INKA2: variants seen among roughly 807,000 people sequenced by gnomAD.
INKA2 encodes the protein PAK4-inhibitor INKA2.
Under a neutral mutation model 9.8 loss-of-function variants are expected in INKA2, and 3 were observed. The ratio of observed to expected loss-of-function variants is 0.31; its 90% CI spans 0.14 to 0.79. INKA2 has a LOEUF of 0.79. INKA2 is among the 30% of genes least tolerant of loss of function. The pLI, the probability that INKA2 is intolerant of heterozygous loss-of-function variation, is 0.62. For synonymous variants in INKA2, 147 were observed against 143.3 expected (o/e 1.03, Z -0.18); for missense variants, 392 against 384.4 (o/e 1.02, Z -0.17).
intron 1 of INKA2, among the ~76,000 whole-genome samples, chr1:111,737,611 C>T (rs749090108): frequency 1.8e-4 from 27 of 152,068 alleles, no homozygotes; most frequent in Middle Eastern, 6.3e-3. Flanking sequence ...GAATTGTGTA[C>T]GTGTGGGCTG....
exon 1 of INKA2, chr1:111,755,715 TTCCTC>T (rs778448245): frequency 1.7e-5 from 27 of 1,613,772 alleles, no homozygotes; most frequent in Non-Finnish European, 2.2e-5. Context: ...TGCCTCATCT[TTCCTC>T]TCCTCCCTCT....
rs140925986 is a variant in INKA2, at chr1:111,726,711, G to GCACA, written c.*253_*256dup. Reference sequence around the variant, plus strand: ...ATGCATGCCAGACAGACACACACATGCACACACACACACACACACGCACAG... The same window carrying GCACA: ...ATGCATGCCAGACAGACACACACATGCACACACACACACACACACACACGCACAG... On this transcript the variant is annotated 3_prime_UTR_variant, in exon 2 of 2. Transcript: ENST00000357260. 1,069 of 470,714 alleles carry GCACA rather than the reference G, an allele frequency of 2.3e-3. 1 individual carries two copies. Among genetic ancestry groups the GCACA allele is most frequent in the African/African-American group, 6.7e-3 (337 of 49,946 alleles). The allele number at this position is 470,714 out of a possible 1,614,324, so 29.2% of individuals were successfully genotyped here. A position where few individuals can be genotyped will look rare whatever the true frequency, so the allele number is the denominator to read the frequency against.
intron 1 of INKA2, among the ~76,000 whole-genome samples, chr1:111,748,488 C>A (rs920402628): frequency 1.3e-5 from 2 of 152,194 alleles, no homozygotes; most frequent in Non-Finnish European, 2.9e-5. Flanking sequence ...TTTGCCAGGC[C>A]TACTGGGAGG....
chr1:111,747,675 A>G (rs1663304487), intron 1 of INKA2: 1 of 152,256 alleles, frequency 6.6e-6, no homozygotes, highest in African/African-American at 2.4e-5. Context: ...TGTGCACCAC[A>G]TTACAAGCAT....
chr1:111,755,593 C>T (rs878880658), intron 1 of INKA2: 2 of 1,317,638 alleles, frequency 1.5e-6, no homozygotes, highest in African/African-American at 1.5e-5. Flanking sequence ...AGGGCGGTGG[C>T]GCCGGGGGCA....
At chr1:111,732,489 C>A (rs1662929245) in intron 1 of INKA2, among the ~76,000 whole-genome samples, 1 of 151,944 alleles carries the variant, frequency 6.6e-6, no homozygotes, top group Non-Finnish European at 1.5e-5. Context: ...TGAGAGAATT[C>A]ACAAGAAGGT....
intron 1 of INKA2, chr1:111,755,096 T>C (rs1219666065): frequency 4.5e-5 from 6 of 134,514 alleles, no homozygotes; most frequent in African/African-American, 1.7e-4. Flanking sequence ...CATGTAACAT[T>C]TGAGAGTCTA....
chr1:111,742,544 A>C (rs1446457459), upstream of INKA2, among the ~76,000 whole-genome samples: 1 of 152,270 alleles, frequency 6.6e-6, no homozygotes, highest in Non-Finnish European at 1.5e-5. Flanking sequence ...AAATCGCGCC[A>C]CTGCACTGTA....
chr1:111,746,325 C>T (rs542690727), intron 1 of INKA2: 3 of 152,320 alleles, frequency 2.0e-5, no homozygotes, highest in African/African-American at 7.2e-5. Context: ...ATGCTGCCGC[C>T]GCTTAACAAG....
Position 111,723,776 on chromosome 1 carries a change from T to C in INKA2, c.*3192A>G, listed in dbSNP as rs1299452732. ...ACCTCTTCCCTCCACTTCAGTAAAA[T>C]ACAGCCTCTGTCATTGCCATGGCAG... On this transcript the variant is annotated 3_prime_UTR_variant, in exon 2 of 2. Transcript: ENST00000357260. The C allele has an allele frequency of 1.3e-5, 2 of 152,412 alleles. No individual in the cohort carries two copies. Among genetic ancestry groups the C allele is most frequent in the African/African-American group, 2.4e-5 (1 of 41,440 alleles). The allele number at this position is 152,412 out of a possible 1,614,324, so 9.4% of individuals were successfully genotyped here.
intron 1 of INKA2, among the ~76,000 whole-genome samples, chr1:111,753,441 T>C (rs1382262342): frequency 1.3e-5 from 2 of 152,364 alleles, no homozygotes; most frequent in South Asian, 4.1e-4. Flanking sequence ...TTATAACTTT[T>C]GACTAGTGAG....
rs763243478 is a variant in INKA2 at position 111,727,053 on chromosome 1, C to A, written c.809G>T (p.Arg270Leu). 6.2e-7 allele frequency: 1 copy of A among 1,613,936 alleles called. No individual in the cohort carries two copies. Among genetic ancestry groups the A allele is most frequent in the African/African-American group, 1.3e-5 (1 of 74,932 alleles). The part of the protein sequence containing the change: ...FPFPGTGEHR[R>L]GENPPTSCPK... ...GCAGCTTGTGGGGGGATTCTCCCCT[C>A]GCCTGTGCTCCCCGGTGCCTGGGAA... The change falls in exon 2 of 2, where the codon CGA becomes CTA. Residue 270 changes from arginine to leucine, a missense_variant. Physicochemically the swap from Arg to Leu is moderately radical, Grantham distance 102. Coordinates refer to ENST00000357260, the MANE Select transcript of INKA2 (RefSeq NM_019099.5).
Position 111,727,628 on chromosome 1 carries a change from A to T in INKA2, c.234T>A (p.Cys78Ter). ...TGGCAGGACCTCTGCCACCCTCCCA[A>T]CAAGGGTGCTCGCACTGGGTCCTGG... ...EGPRTQCEHP[C>*]WEGGRGPARP... Residue 78 changes from cysteine (C) to a stop codon, truncating the protein, a stop_gained, in exon 2 of 2, where the codon TGT (cysteine) becomes TGA (stop). Coordinates refer to ENST00000357260, the MANE Select transcript of INKA2 (RefSeq NM_019099.5). LOFTEE classifies it low-confidence loss of function (END_TRUNC). The T allele has an allele frequency of 6.2e-7, 1 of 1,608,776 alleles. No homozygotes were observed. Among genetic ancestry groups the T allele is most frequent in the African/African-American group, 1.3e-5 (1 of 74,990 alleles).
At chr1:111,753,369 A>G (rs1663450239) in intron 1 of INKA2, 1 of 152,200 alleles carries the variant, frequency 6.6e-6, no homozygotes, top group Admixed American at 6.5e-5. Flanking sequence ...TAGTTATTAA[A>G]TGATTTCTTG....
rs1663088863 is a variant in INKA2, at chr1:111,739,361, G to A, written c.-119C>T. The A allele has an allele frequency of 6.5e-7, 1 of 1,540,722 alleles. No homozygotes were observed. On this transcript the variant is annotated 5_prime_UTR_variant, in exon 1 of 2. Coordinates refer to ENST00000357260, the MANE Select transcript of INKA2 (RefSeq NM_019099.5). ...GCGCCCGTAGCGCTCGCAGCGCGGA[G>A]CTGAGCCTGCGCTCCGAGCCCGGGA...
chr1:111,735,375 G>A (rs992751763), intron 1 of INKA2, among the ~76,000 whole-genome samples: 16 of 152,308 alleles, frequency 1.1e-4, no homozygotes, highest in Middle Eastern at 3.4e-3. Context: ...TGCTATGTGT[G>A]AAAGACAAAT....
At chr1:111,750,012 G>A (rs1219948051) in intron 1 of INKA2, among the ~76,000 whole-genome samples, 2 of 152,212 alleles carry the variant, frequency 1.3e-5, no homozygotes, top group Non-Finnish European at 2.9e-5. Context: ...TAAACTCCCT[G>A]CCAAAAGGGG....
chr1:111,753,934 G>T (rs1663464398), intron 1 of INKA2: 1 of 152,280 alleles, frequency 6.6e-6, no homozygotes, highest in Non-Finnish European at 1.5e-5. Context: ...AGCAGGATCT[G>T]GAGCTGGACC....
chr1:111,743,797 G>A (rs1043138702), upstream of INKA2, among the ~76,000 whole-genome samples: 7 of 152,336 alleles, frequency 4.6e-5, no homozygotes, highest in Admixed American at 3.9e-4. Context: ...AAGGGCAGGG[G>A]CCCTATCCCC....
Sources: gnomAD v4.1 joint callset for allele counts (sites outside exome capture counted in the v4.1 genomes callset) on GRCh38, gnomAD v4.1.1 for gene constraint, MANE v1.5 for transcripts, NCBI Gene and HGNC (gene_info 2026-07-23, HGNC 2026-07-21) for gene names.